MKLN1: variants seen among roughly 807,000 people sequenced by gnomAD.
The protein encoded by MKLN1 is muskelin.
MKLN1 carries 18 observed loss-of-function variants against 99.0 expected under a neutral mutation model. The observed-to-expected ratio is 0.18, with a 90% CI of 0.13 to 0.27. The LOEUF (loss-of-function observed/expected upper bound fraction) is 0.27. Ranked by LOEUF, MKLN1 falls within the 10% of genes least tolerant of loss-of-function variation. The pLI is 1.00. For synonymous variants in MKLN1, 288 were observed against 293.2 expected, an observed-to-expected ratio of 0.98 and a Z score of 0.18; for missense variants, 621 against 875.9, an observed-to-expected ratio of 0.71 and a Z score of 3.67.
intron 3 of MKLN1, among the ~76,000 whole-genome samples, chr7:131,266,640 G>A (rs1797813059): frequency 2.0e-5 from 3 of 152,074 alleles, no homozygotes. Context: ...ACTAGGGGAT[G>A]TACAAGGAAG....
chr7:131,157,709 G>T (rs1162474294), intron 2 of MKLN1, among the ~76,000 whole-genome samples: 1 of 152,092 alleles, frequency 6.6e-6, no homozygotes, highest in Non-Finnish European at 1.5e-5. Context: ...CATTACCCGA[G>T]AAGCTGGTGA....
rs140942740 is a variant in MKLN1 at position 131,253,854 on chromosome 7, G to A, written c.-179+50880G>A. Among the ~76,000 whole-genome samples, 223 of 152,306 alleles carry A rather than the reference G, an allele frequency of 1.5e-3. 1 individual carries two copies. The highest frequency in any genetic ancestry group is 4.7e-3 in the African/African-American group (197 of 41,554). ...AGAAGAAGCTGGTAGCTCAATGTGC[G>A]CAACAAGCTAAACTGTAGGCTGATT... On this transcript the variant is annotated intron_variant, in intron 3 of 7. Transcript: ENST00000416992.
chr7:131,314,841 A>G (rs1798635005), intron 3 of MKLN1, among the ~76,000 whole-genome samples: 1 of 151,788 alleles, frequency 6.6e-6, no homozygotes, highest in Admixed American at 6.6e-5. Context: ...ACATGATTAC[A>G]GTTCATCTAG....
chr7:131,387,782 G>T (rs1321089314), intron 3 of MKLN1, among the ~76,000 whole-genome samples: 1 of 152,154 alleles, frequency 6.6e-6, no homozygotes, highest in Non-Finnish European at 1.5e-5. Flanking sequence ...AATAATATTT[G>T]ACCACCGGGA....
At chr7:131,208,437 A>G (rs1796851516) in intron 3 of MKLN1, among the ~76,000 whole-genome samples, 1 of 152,106 alleles carries the variant, frequency 6.6e-6, no homozygotes, top group Non-Finnish European at 1.5e-5. Context: ...CAACAAAAAA[A>G]TATAAACAAT....
chr7:131,264,440 G>A (rs1230795252), intron 3 of MKLN1, among the ~76,000 whole-genome samples: 1 of 152,080 alleles, frequency 6.6e-6, no homozygotes, highest in Non-Finnish European at 1.5e-5. Context: ...TTGTCTTTTA[G>A]CTACTATACA....
intron 3 of MKLN1, among the ~76,000 whole-genome samples, chr7:131,311,643 TA>T (rs911945858): frequency 4.6e-5 from 7 of 152,212 alleles, no homozygotes; most frequent in African/African-American, 1.7e-4. Flanking sequence ...TTTAAAAGTT[TA>T]AAATATTTGA....
chr7:131,412,203 C>T (rs1231473375), intron 7 of MKLN1, among the ~76,000 whole-genome samples: 1 of 152,136 alleles, frequency 6.6e-6, no homozygotes, highest in Non-Finnish European at 1.5e-5. Flanking sequence ...TCTTTTTAAA[C>T]CTTTTTGATT....
At chr7:131,234,978 G>A (rs1192495772) in intron 3 of MKLN1, among the ~76,000 whole-genome samples, 1 of 152,168 alleles carries the variant, frequency 6.6e-6, no homozygotes, top group Non-Finnish European at 1.5e-5. Flanking sequence ...CTCCAGTAGG[G>A]AACCTTTAGG....
chr7:131,180,769 T>C (rs1796367617), intron 2 of MKLN1, among the ~76,000 whole-genome samples: 1 of 152,180 alleles, frequency 6.6e-6, no homozygotes. Flanking sequence ...TTTATTTCTT[T>C]CTTAAAATTA....
chr7:131,321,567 C>T (rs529124614), intron 3 of MKLN1, among the ~76,000 whole-genome samples: 2 of 152,122 alleles, frequency 1.3e-5, no homozygotes, highest in South Asian at 2.1e-4. Context: ...GCACATGTAT[C>T]GCAGAATTTA....
chr7:131,234,026 CTA>C, intron 3 of MKLN1, among the ~76,000 whole-genome samples: 1 of 152,216 alleles, frequency 6.6e-6, no homozygotes, highest in South Asian at 2.1e-4. Context: ...GTCCCCCAGG[CTA>C]GAGTGCAAAG....
intron 8 of MKLN1, among the ~76,000 whole-genome samples, chr7:131,424,477 G>A (rs771493128): frequency 6.6e-6 from 1 of 152,024 alleles, no homozygotes; most frequent in Non-Finnish European, 1.5e-5. Flanking sequence ...AATCAAAGTA[G>A]AAGACAGATA....
At position 131,260,107 on chromosome 7, in the gene MKLN1, A is replaced by G. The variant is rs886696452; in HGVS notation, c.-179+57133A>G. Reference sequence around the variant, plus strand: ...GTCGCCCAGGCTGGAGTACAGTGGCACGATCTCAGCTCACTGCAACCTCTG... The same window carrying G: ...GTCGCCCAGGCTGGAGTACAGTGGCGCGATCTCAGCTCACTGCAACCTCTG... On this transcript the variant is annotated intron_variant, in intron 3 of 7. Transcript: ENST00000416992. Among the ~76,000 whole-genome samples, 87 of 151,662 alleles carry G rather than the reference A, an allele frequency of 5.7e-4. 4 individuals are homozygous for G. Among genetic ancestry groups the G allele is most frequent in the Non-Finnish European group, 2.9e-5 (2 of 67,972 alleles).
chr7:131,137,318 G>T (rs75917686), intron 1 of MKLN1, among the ~76,000 whole-genome samples: 1 of 152,180 alleles, frequency 6.6e-6, no homozygotes, highest in Non-Finnish European at 1.5e-5. Flanking sequence ...AAAAGAAAAA[G>T]AGTGTCAATG....
chr7:131,324,085 G>A (rs1222018673), upstream of MKLN1, among the ~76,000 whole-genome samples: 23 of 152,146 alleles, frequency 1.5e-4, no homozygotes, highest in Admixed American at 1.5e-3. Flanking sequence ...CCCTGGTTCT[G>A]AGGCAGAGGC....
At chr7:131,443,452 C>A in intron 10 of MKLN1, 29 bp from the exon 11 acceptor site, 1 of 1,495,750 alleles carries the variant, frequency 6.7e-7, no homozygotes, top group Non-Finnish European at 9.3e-7. Context: ...CAAACTAAAA[C>A]TATTCAATCT....
intron 3 of MKLN1, among the ~76,000 whole-genome samples, chr7:131,238,521 G>A (rs1164659548): frequency 6.6e-6 from 1 of 152,222 alleles, no homozygotes; most frequent in Non-Finnish European, 1.5e-5. Flanking sequence ...GACCAGTAAT[G>A]TAGAATGCCA....
intron 1 of MKLN1, among the ~76,000 whole-genome samples, chr7:131,123,508 G>A (rs529776769): frequency 4.9e-4 from 75 of 152,208 alleles, no homozygotes; most frequent in African/African-American, 1.8e-3. Context: ...GCAAGACCTT[G>A]TCTCTACAAA....
Sources: gnomAD v4.1 joint callset for allele counts (sites outside exome capture counted in the v4.1 genomes callset) on GRCh38, gnomAD v4.1.1 for gene constraint, MANE v1.5 for transcripts, NCBI Gene and HGNC (gene_info 2026-07-23, HGNC 2026-07-21) for gene names.